Variants in GPHN observed in about 807,000 individuals in gnomAD.
The protein encoded by GPHN is gephyrin.
A neutral mutation model predicts 95.5 loss-of-function variants in GPHN; 17 were observed. The ratio of observed to expected loss-of-function variants is 0.18; its 90% confidence interval spans 0.12 to 0.27. GPHN has a LOEUF of 0.27. Among genes scored for constraint, GPHN ranks in the 10% least tolerant of loss-of-function variants. The pLI, the probability that GPHN is intolerant of heterozygous loss-of-function variation, is 1.00. For missense variants in GPHN, 660 were observed against 978.1 expected (o/e 0.67, Z 4.34); for synonymous variants, 320 against 322.5 (o/e 0.99, Z 0.08).
the GPHN span, chr14:67,204,747 C>T: frequency 1.5e-5 from 25 of 1,613,870 alleles, no homozygotes; most frequent in African/African-American, 3.3e-4. Flanking sequence ...TTTCAAGTCT[C>T]TCAGGAATTA....
intron 8 of GPHN, among the ~76,000 whole-genome samples, chr14:66,932,280 C>A (rs887147249): frequency 6.6e-6 from 1 of 151,904 alleles, no homozygotes; most frequent in Non-Finnish European, 1.5e-5. Context: ...AATGGAAGCA[C>A]TCTTGTGGCC....
intron 1 of GPHN, among the ~76,000 whole-genome samples, chr14:66,562,642 G>A (rs1347727465): frequency 1.3e-5 from 2 of 152,110 alleles, no homozygotes; most frequent in African/African-American, 2.4e-5. Flanking sequence ...ACAGGACGAA[G>A]GAAAGGGACT....
the GPHN span, among the ~76,000 whole-genome samples, chr14:67,530,341 A>G: frequency 6.6e-6 from 1 of 152,120 alleles, no homozygotes; most frequent in African/African-American, 2.4e-5. Flanking sequence ...AACTGCCCCA[A>G]GGTCCCACCA....
chr14:67,422,407 G>A, the GPHN span, among the ~76,000 whole-genome samples: 1 of 152,176 alleles, frequency 6.6e-6, no homozygotes, highest in African/African-American at 2.4e-5. Context: ...GCATATGGCC[G>A]AGGACCTGTG....
At chr14:67,387,185 T>C in the GPHN span, 3 of 712,638 alleles carry the variant, frequency 4.2e-6, no homozygotes, top group African/African-American at 3.7e-5. Context: ...CTGTTTGTAA[T>C]CTGAGGAACT....
the GPHN span, chr14:67,578,666 GCACTGCCAACTGCC>G: frequency 7.5e-7 from 1 of 1,328,002 alleles, no homozygotes; most frequent in Non-Finnish European, 1.1e-6. This position sits in a 1 kb window ranked among gnomAD's most constrained non-coding sequence, Gnocchi z 5.0. Flanking sequence ...TGCCACTTGA[GCACTGCCAACTGCC>G]GCATGAATAA....
At chr14:67,565,243 T>C in the GPHN span, among the ~76,000 whole-genome samples, 1 of 151,940 alleles carries the variant, frequency 6.6e-6, no homozygotes, top group South Asian at 2.1e-4. Flanking sequence ...AGCCAGGCTT[T>C]ATTTATTTAT....
the GPHN span, among the ~76,000 whole-genome samples, chr14:67,196,273 T>C: frequency 7.9e-5 from 12 of 151,558 alleles, no homozygotes; most frequent in South Asian, 2.5e-3. Context: ...CTGCAGTGCA[T>C]TGGCACAGTC....
At chr14:67,463,605 C>T in the GPHN span, among the ~76,000 whole-genome samples, 1 of 135,622 alleles carries the variant, frequency 7.4e-6, no homozygotes, top group African/African-American at 2.9e-5. Context: ...CGCCACTGCA[C>T]TCTAGCCTGG....
At chr14:67,341,957 G>A in the GPHN span, among the ~76,000 whole-genome samples, 6 of 151,808 alleles carry the variant, frequency 4.0e-5, no homozygotes, top group Non-Finnish European at 7.4e-5. Context: ...GGTGCAAGAT[G>A]TGCTTTGTTA....
chr14:66,867,023 T>G (rs2063248770), intron 4 of GPHN, among the ~76,000 whole-genome samples: 1 of 152,102 alleles, frequency 6.6e-6, no homozygotes, highest in Admixed American at 6.6e-5. Context: ...CTTTGACCTT[T>G]CATCACAACC....
At chr14:67,127,142 T>C (rs1048917921) in intron 17 of GPHN, among the ~76,000 whole-genome samples, 14 of 150,376 alleles carry the variant, frequency 9.3e-5, no homozygotes, top group African/African-American at 3.2e-4. Flanking sequence ...TCGGGAGATA[T>C]ACCTAATGCT....
chr14:67,482,208 G>C, the GPHN span, among the ~76,000 whole-genome samples: 1 of 152,296 alleles, frequency 6.6e-6, no homozygotes, highest in South Asian at 2.1e-4. Context: ...TTCACTAAGA[G>C]CATCTCACCG....
At chr14:67,522,172 C>T in the GPHN span, among the ~76,000 whole-genome samples, 1 of 151,826 alleles carries the variant, frequency 6.6e-6, no homozygotes, top group Non-Finnish European at 1.5e-5. Flanking sequence ...GACTCCGTCT[C>T]AAAACAAAAC....
At chr14:66,663,050 A>G (rs142206417) in intron 1 of GPHN, among the ~76,000 whole-genome samples, 18 of 152,346 alleles carry the variant, frequency 1.2e-4, no homozygotes, top group Non-Finnish European at 2.5e-4. Context: ...TGGAAAATAT[A>G]TTTCAGGATA....
intron 17 of GPHN, among the ~76,000 whole-genome samples, chr14:67,134,885 C>T (rs542371751): frequency 7.0e-4 from 88 of 125,426 alleles, no homozygotes; most frequent in African/African-American, 2.5e-3. Context: ...TCTTTTCTTT[C>T]TTTTTTCTTC....
the GPHN span, among the ~76,000 whole-genome samples, chr14:67,378,614 C>G: frequency 6.6e-6 from 1 of 152,184 alleles, no homozygotes; most frequent in Non-Finnish European, 1.5e-5. Context: ...CAGTACATTT[C>G]TTAACTTGTC....
chr14:66,993,396 T>G (rs551075445), intron 9 of GPHN, among the ~76,000 whole-genome samples: 2 of 152,328 alleles, frequency 1.3e-5, no homozygotes, highest in South Asian at 4.1e-4. Context: ...TATTGCTGTC[T>G]TAAATGTTAT....
chr14:67,324,080 T>A, the GPHN span, among the ~76,000 whole-genome samples: 1 of 152,204 alleles, frequency 6.6e-6, no homozygotes, highest in Non-Finnish European at 1.5e-5. Context: ...GCCACCAAAG[T>A]TATCAGCCAA....
Sources: allele counts gnomAD v4.1 joint callset (sites outside exome capture counted in the v4.1 genomes callset), GRCh38; gene constraint gnomAD v4.1.1; non-coding constraint Gnocchi (gnomAD v3.1); transcripts MANE v1.5; gene names NCBI Gene and HGNC (gene_info 2026-07-23, HGNC 2026-07-21).